Variants in MSRA observed in about 807,000 individuals in gnomAD.
The protein encoded by MSRA is methionine sulfoxide reductase A, also known as mitochondrial peptide methionine sulfoxide reductase.
In MSRA, 54 loss-of-function variants were observed where a neutral mutation model predicts 31.3. The ratio of observed to expected loss-of-function variants is 1.73; its 90% CI spans 1.39 to 2.17. The LOEUF (loss-of-function observed/expected upper bound fraction) is 2.17, where lower values mean the gene tolerates loss of function less well. Ranked by LOEUF, MSRA falls within the 30% of genes most tolerant of loss-of-function variation. The pLI, the probability that MSRA is intolerant of heterozygous loss-of-function variation, is 0.00. For synonymous variants in MSRA, 169 were observed against 116.5 expected, an observed-to-expected ratio of 1.45 and a Z score of -2.90; for missense variants, 507 against 300.9, an observed-to-expected ratio of 1.69 and a Z score of -5.07.
intron 1 of MSRA, among the ~76,000 whole-genome samples, chr8:10,118,811 C>A (rs1238132643): frequency 6.6e-6 from 1 of 152,194 alleles, no homozygotes; most frequent in Non-Finnish European, 1.5e-5. Flanking sequence ...ACCCCAATTC[C>A]CACCCAAGGC....
chr8:10,079,403 C>T (rs1201319649), intron 1 of MSRA, among the ~76,000 whole-genome samples: 2 of 152,130 alleles, frequency 1.3e-5, no homozygotes, highest in African/African-American at 4.8e-5. Context: ...AATCTGCCTT[C>T]CTAGGCCTCC....
chr8:10,059,812 G>A (rs497643), intron 1 of MSRA, among the ~76,000 whole-genome samples: 152,318 of 152,336 alleles, frequency 1, 76,150 homozygotes, highest in Non-Finnish European at 1. Flanking sequence ...CATTGGCAAG[G>A]TAGACGTTAG....
chr8:10,185,966 T>TG (rs986412519), intron 1 of MSRA, among the ~76,000 whole-genome samples: 40 of 152,186 alleles, frequency 2.6e-4, no homozygotes, highest in African/African-American at 9.6e-4. Context: ...AGTTCTGGGT[T>TG]GGGGGGAGTG....
At chr8:10,145,758 G>T (rs963523050) in intron 1 of MSRA, among the ~76,000 whole-genome samples, 3 of 152,104 alleles carry the variant, frequency 2.0e-5, no homozygotes, top group African/African-American at 7.2e-5. Flanking sequence ...TAACTGTCCT[G>T]GCTCACTGCA....
chr8:10,301,675 C>G lies in MSRA; in HGVS notation c.436+37C>G, dbSNP rs188556652. The G allele has an allele frequency of 1.8e-4, 270 of 1,496,498 alleles. No homozygotes were observed. In the African/African-American group the frequency reaches 3.5e-3, roughly 19 times the overall value. 92.7% of individuals were successfully genotyped at this position (1,496,498 alleles called of 1,614,324 possible). A position where few individuals can be genotyped will look rare whatever the true frequency, so the allele number is the denominator to read the frequency against. ...AGTGAGCCAGTATTTAATTATCTTACTAATTACAGCTGGGATAATTAGTGT... is the reference window on the plus strand; with the variant it reads ...AGTGAGCCAGTATTTAATTATCTTAGTAATTACAGCTGGGATAATTAGTGT... On this transcript the variant is annotated intron_variant, in intron 4 of 5. Coordinates refer to ENST00000317173, the MANE Select transcript of MSRA (RefSeq NM_012331.5).
chr8:10,355,620 T>TG (rs1185017591), intron 5 of MSRA, among the ~76,000 whole-genome samples: 1 of 152,098 alleles, frequency 6.6e-6, no homozygotes. Flanking sequence ...TGTCCCTCTG[T>TG]GGGGTCAGGC....
At chr8:10,085,584 A>T (rs1220509827) in intron 1 of MSRA, among the ~76,000 whole-genome samples, 1 of 152,154 alleles carries the variant, frequency 6.6e-6, no homozygotes, top group East Asian at 1.9e-4. Flanking sequence ...ATTTTCTGTT[A>T]TGTGTCCATA....
At chr8:10,059,588 A>C (rs1802590959) in intron 1 of MSRA, among the ~76,000 whole-genome samples, 1 of 152,312 alleles carries the variant, frequency 6.6e-6, no homozygotes, top group South Asian at 2.1e-4. Context: ...ATGACTTGAA[A>C]ATCGGAAAAC....
chr8:10,079,484 A>C (rs1283694666), intron 1 of MSRA, among the ~76,000 whole-genome samples: 1 of 152,116 alleles, frequency 6.6e-6, no homozygotes, highest in East Asian at 1.9e-4. Context: ...AAAGCTCATT[A>C]ATTACAGGAA....
At chr8:10,239,819 C>T (rs532002198) in intron 2 of MSRA, among the ~76,000 whole-genome samples, 1 of 152,308 alleles carries the variant, frequency 6.6e-6, no homozygotes, top group African/African-American at 2.4e-5. Flanking sequence ...GCTTTCCAAA[C>T]ACGTGTATTA....
chr8:10,074,782 C>T (rs1797922405), intron 1 of MSRA, among the ~76,000 whole-genome samples: 1 of 152,124 alleles, frequency 6.6e-6, no homozygotes, highest in Admixed American at 6.5e-5. Context: ...CCTCAGCCTC[C>T]CAAGTAGCTG....
chr8:10,092,765 C>T (rs958571829), intron 1 of MSRA, among the ~76,000 whole-genome samples: 1 of 152,134 alleles, frequency 6.6e-6, no homozygotes, highest in Non-Finnish European at 1.5e-5. Flanking sequence ...TAGTTGTTCT[C>T]ACAGTTGTGG....
chr8:10,072,504 G>A (rs917475517), intron 1 of MSRA, among the ~76,000 whole-genome samples: 6 of 152,128 alleles, frequency 3.9e-5, no homozygotes, highest in Non-Finnish European at 7.3e-5. Flanking sequence ...TCTTGGTTAT[G>A]ATGGTTATAT....
chr8:10,290,703 GACA>G (rs1375401562), intron 3 of MSRA, among the ~76,000 whole-genome samples: 1 of 152,124 alleles, frequency 6.6e-6, no homozygotes. Flanking sequence ...GTAGCCCACT[GACA>G]ACAAGGCACA....
intron 2 of MSRA, among the ~76,000 whole-genome samples, chr8:10,232,939 A>G (rs751380292): frequency 3.3e-5 from 5 of 152,186 alleles, no homozygotes; most frequent in African/African-American, 1.2e-4. Flanking sequence ...GTAAGTTTGA[A>G]TATTTTTTTC....
intron 1 of MSRA, among the ~76,000 whole-genome samples, chr8:10,094,786 T>G (rs1205280148): frequency 1.3e-5 from 2 of 152,252 alleles, no homozygotes; most frequent in African/African-American, 4.8e-5. Context: ...AGTACTTATT[T>G]ATGCTTATTA....
chr8:10,396,921 T>C (rs1244411131), intron 5 of MSRA, among the ~76,000 whole-genome samples: 1 of 152,222 alleles, frequency 6.6e-6, no homozygotes, highest in East Asian at 1.9e-4. Flanking sequence ...CATGACCTCT[T>C]GGGTGCCGAT....
At position 10,293,220 on chromosome 8, in the gene MSRA, C is replaced by T. The variant is rs144486666; in HGVS notation, c.332-8314C>T. Among the ~76,000 whole-genome samples the T allele has an allele frequency of 4.3e-3, 661 of 152,260 alleles. 1 individual carries two copies. Among genetic ancestry groups the T allele is most frequent in the African/African-American group, 0.014 (572 of 41,548 alleles). ...TGAGGTTCCTGTCCCTATAGGATTG[C>T]ATCAGGGGTGCGCCATCCCTATGAT... On this transcript the variant is annotated intron_variant, in intron 3 of 5. Transcript: ENST00000317173.
At chr8:10,334,704 A>G (rs921929927) in intron 5 of MSRA, among the ~76,000 whole-genome samples, 1 of 152,202 alleles carries the variant, frequency 6.6e-6, no homozygotes, top group African/African-American at 2.4e-5. Context: ...GCACCTCAGG[A>G]GCGGAGATGA....
Sources: allele counts gnomAD v4.1 joint callset (sites outside exome capture counted in the v4.1 genomes callset), GRCh38; gene constraint gnomAD v4.1.1; transcripts MANE v1.5; gene names NCBI Gene and HGNC (gene_info 2026-07-23, HGNC 2026-07-21).